EPHA3: variants seen among roughly 807,000 people sequenced by gnomAD.
EPHA3 encodes the protein ephrin type-A receptor 3.
Under a neutral mutation model 107.1 loss-of-function variants are expected in EPHA3, and 42 were observed. The observed-to-expected ratio is 0.39, with a 90% CI of 0.31 to 0.51. The LOEUF is 0.51. Among genes scored for constraint, EPHA3 ranks in the 20% least tolerant of loss-of-function variants. The probability of loss-of-function intolerance (pLI) is 0.78; values close to 1 mark genes in which losing one functional copy is unlikely to be tolerated. For missense variants in EPHA3, 1,183 were observed against 1,211.2 expected (o/e 0.98, Z 0.35); for synonymous variants, 461 against 424.8 (o/e 1.09, Z -1.05).
chr3:89,344,152 C>A (rs937448467), intron 5 of EPHA3, among the ~76,000 whole-genome samples: 3 of 152,132 alleles, frequency 2.0e-5, no homozygotes, highest in Admixed American at 2.0e-4. Context: ...TGTATAAAAA[C>A]AAACAAGAGC....
chr3:89,410,185 A>T (rs1709132368), intron 9 of EPHA3, among the ~76,000 whole-genome samples: 1 of 151,952 alleles, frequency 6.6e-6, no homozygotes, highest in Admixed American at 6.6e-5. Flanking sequence ...TTTCCCCCAA[A>T]TGTCTTATGG....
At chr3:89,207,365 A>G (rs1164588512) in intron 2 of EPHA3, among the ~76,000 whole-genome samples, 1 of 152,116 alleles carries the variant, frequency 6.6e-6, no homozygotes, top group Non-Finnish European at 1.5e-5. Context: ...GAATTGAAAA[A>G]CTAACTGTTG....
intron 2 of EPHA3, among the ~76,000 whole-genome samples, chr3:89,161,604 A>G (rs1267653577): frequency 6.6e-6 from 1 of 152,076 alleles, no homozygotes; most frequent in Non-Finnish European, 1.5e-5. Flanking sequence ...GCAGTCATTC[A>G]TTTTATATAT....
At chr3:89,277,906 A>T (rs1247347578) in intron 3 of EPHA3, among the ~76,000 whole-genome samples, 1 of 152,120 alleles carries the variant, frequency 6.6e-6, no homozygotes, top group African/African-American at 2.4e-5. Flanking sequence ...ATATAATTTC[A>T]ATGGGGTGTT....
In EPHA3 at chr3:89,186,816, T is replaced by C. The variant is rs76056054; in HGVS notation, c.154-23044T>C. ...TAGGAAATTCCATTATGTAGAAATATAGCATTTCAAAGACTTTTAAACCAA... is the reference window on the plus strand; with the variant it reads ...TAGGAAATTCCATTATGTAGAAATACAGCATTTCAAAGACTTTTAAACCAA... On this transcript the variant is annotated intron_variant, in intron 2 of 16. Coordinates refer to ENST00000336596, the MANE Select transcript of EPHA3 (RefSeq NM_005233.6). Among the ~76,000 whole-genome samples, 108 of 152,194 alleles carry C rather than the reference T, an allele frequency of 7.1e-4. No individual in the cohort carries two copies. The East Asian group carries it at 0.019, about 27-fold the overall frequency.
chr3:89,441,559 TG>T (rs1709788073), intron 13 of EPHA3, among the ~76,000 whole-genome samples: 1 of 152,212 alleles, frequency 6.6e-6, no homozygotes, highest in Non-Finnish European at 1.5e-5. Context: ...ATATTCTAAA[TG>T]CCTAGTGTGG....
chr3:89,383,346 T>C (rs1708548206), intron 5 of EPHA3, among the ~76,000 whole-genome samples: 1 of 152,244 alleles, frequency 6.6e-6, no homozygotes, highest in South Asian at 2.1e-4. Flanking sequence ...ATAGTTTTCC[T>C]ACCATTATCT....
intron 2 of EPHA3, among the ~76,000 whole-genome samples, chr3:89,163,598 G>A (rs1477282969): frequency 6.6e-6 from 1 of 152,070 alleles, no homozygotes; most frequent in African/African-American, 2.4e-5. Context: ...ATTGAAATGT[G>A]GGAATGAAAC....
intron 16 of EPHA3, among the ~76,000 whole-genome samples, chr3:89,474,535 A>T (rs1266991047): frequency 6.6e-6 from 1 of 152,248 alleles, no homozygotes; most frequent in Admixed American, 6.5e-5. Flanking sequence ...ACAAAGTTGA[A>T]CATGTCCACA....
chr3:89,469,186 G>T (rs1222387159), intron 15 of EPHA3, among the ~76,000 whole-genome samples: 1 of 152,096 alleles, frequency 6.6e-6, no homozygotes, highest in African/African-American at 2.4e-5. Context: ...GAAGTAAAAA[G>T]GATTGAGGTA....
At chr3:89,201,712 A>T (rs1053261463) in intron 2 of EPHA3, among the ~76,000 whole-genome samples, 1 of 152,166 alleles carries the variant, frequency 6.6e-6, no homozygotes, top group Non-Finnish European at 1.5e-5. Flanking sequence ...TTAATATTAG[A>T]AGTGCTTCGA....
At position 89,152,641 on chromosome 3, in the gene EPHA3, G is replaced by A. The variant is rs188560784; in HGVS notation, c.153+25368G>A. Among the ~76,000 whole-genome samples the A allele has an allele frequency of 1.6e-3, 243 of 152,074 alleles. 3 individuals are homozygous for A. Among genetic ancestry groups the A allele is most frequent in the African/African-American group, 5.6e-3 (232 of 41,498 alleles). Reference sequence around the variant, plus strand: ...CTTAATTATACTTTTTAAAAAGAACGTGCTTACATTTTCCATCCAGTCAAT... The same window carrying A: ...CTTAATTATACTTTTTAAAAAGAACATGCTTACATTTTCCATCCAGTCAAT... On this transcript the variant is annotated intron_variant, in intron 2 of 16. Transcript: ENST00000336596.
At chr3:89,182,792 G>A (rs1433128662) in intron 2 of EPHA3, among the ~76,000 whole-genome samples, 1 of 151,622 alleles carries the variant, frequency 6.6e-6, no homozygotes, top group Non-Finnish European at 1.5e-5. Flanking sequence ...GAACTATGAT[G>A]TCTCTCACAC....
At chr3:89,414,943 A>G (rs1273816198) in intron 10 of EPHA3, among the ~76,000 whole-genome samples, 1 of 151,590 alleles carries the variant, frequency 6.6e-6, no homozygotes, top group Non-Finnish European at 1.5e-5. Flanking sequence ...GATTAGATAT[A>G]TGCCCATGTT....
chr3:89,232,071 G>A (rs534286409), intron 3 of EPHA3, among the ~76,000 whole-genome samples: 2 of 152,254 alleles, frequency 1.3e-5, no homozygotes, highest in Admixed American at 6.5e-5. Flanking sequence ...GAGAAAGACA[G>A]GAGAAGGTCA....
At chr3:89,288,565 C>T (rs879438734) in intron 3 of EPHA3, among the ~76,000 whole-genome samples, 5 of 151,956 alleles carry the variant, frequency 3.3e-5, no homozygotes, top group East Asian at 1.9e-4. Flanking sequence ...ATAGAGATAC[C>T]GACTTGAACC....
At chr3:89,280,623 T>G (rs553674247) in intron 3 of EPHA3, among the ~76,000 whole-genome samples, 2 of 152,278 alleles carry the variant, frequency 1.3e-5, no homozygotes, top group Admixed American at 6.5e-5. Context: ...TTACAAGACA[T>G]GCATTTGGTA....
chr3:89,456,193 G>A (rs73139290), intron 15 of EPHA3, among the ~76,000 whole-genome samples: 34,187 of 151,950 alleles, frequency 0.22, 4,145 homozygotes, highest in Non-Finnish European at 0.25. Flanking sequence ...GCAAAATTCT[G>A]CATGTGTACC....
At chr3:89,372,274 T>G (rs1559669572) in intron 5 of EPHA3, among the ~76,000 whole-genome samples, 1 of 151,628 alleles carries the variant, frequency 6.6e-6, no homozygotes. Flanking sequence ...AGTCATGACC[T>G]AGTATTGAAG....
Sources: gnomAD v4.1 joint callset for allele counts (sites outside exome capture counted in the v4.1 genomes callset) on GRCh38, gnomAD v4.1.1 for gene constraint, MANE v1.5 for transcripts, NCBI Gene and HGNC (gene_info 2026-07-23, HGNC 2026-07-21) for gene names.